The following COBL variants were observed in gnomAD, a reference collection of about 807,000 sequenced individuals.
COBL encodes protein cordon-bleu.
Under a neutral mutation model 98.8 loss-of-function variants are expected in COBL, and 51 were observed. The observed-to-expected ratio is 0.52, with a 90% CI of 0.41 to 0.65. The LOEUF is 0.65. Ranked by LOEUF, COBL falls within the 30% of genes least tolerant of loss-of-function variation. COBL has a pLI of 0.00. For synonymous variants in COBL, 634 were observed against 651.7 expected (o/e 0.97, Z 0.41); for missense variants, 1,617 against 1,617.5 (o/e 1.00, Z 0.01).
rs533141947 is a variant in COBL, at chr7:51,196,230, G to C, written c.246-2641C>G. On this transcript the variant is annotated intron_variant, in intron 2 of 12. Transcript: ENST00000265136. The stretch of plus-strand genomic sequence containing the variant: ...GAAGGGATGTTGAATTTTATCAAAA[G>C]CCTCTTCTGCATCTTTTGAAATAAT... Among the ~76,000 whole-genome samples, 4 of 152,256 alleles carry C rather than the reference G, an allele frequency of 2.6e-5. No individual in the cohort carries two copies. The South Asian group carries it at 8.3e-4, about 32-fold the overall frequency.
intron 5 of COBL, among the ~76,000 whole-genome samples, chr7:51,176,372 A>G (rs1011330159): frequency 3.9e-5 from 6 of 152,140 alleles, no homozygotes; most frequent in African/African-American, 1.4e-4. Flanking sequence ...AACTTAATGA[A>G]TAACTGATAT....
At chr7:51,058,608 C>T (rs895337145) in intron 7 of COBL, among the ~76,000 whole-genome samples, 4 of 151,950 alleles carry the variant, frequency 2.6e-5, no homozygotes, top group African/African-American at 7.2e-5. Context: ...AAAACAATTA[C>T]ATGACACTGT....
chr7:51,083,291 C>T, intron 7 of COBL: 3 of 1,276,688 alleles, frequency 2.3e-6, no homozygotes, highest in East Asian at 5.3e-5. Context: ...CACTAGGCAC[C>T]AAATCCAACC....
At chr7:51,030,272 AT>A (rs1227855705) in intron 9 of COBL, among the ~76,000 whole-genome samples, 1 of 152,226 alleles carries the variant, frequency 6.6e-6, no homozygotes, top group Non-Finnish European at 1.5e-5. Context: ...ATTGGAGAAA[AT>A]AACATAGCTG....
At chr7:51,212,054 T>C (rs1233064173) in intron 2 of COBL, among the ~76,000 whole-genome samples, 1 of 152,172 alleles carries the variant, frequency 6.6e-6, no homozygotes, top group Non-Finnish European at 1.5e-5. Context: ...CTCCGCGACA[T>C]CATTTTTACC....
At chr7:51,058,864 GA>G (rs966046501) in intron 7 of COBL, among the ~76,000 whole-genome samples, 4 of 152,164 alleles carry the variant, frequency 2.6e-5, no homozygotes, top group Non-Finnish European at 5.9e-5. Flanking sequence ...GTCCTCCAAC[GA>G]CTTTCGTTCA....
chr7:51,024,750 TG>T, intron 12 of COBL, among the ~76,000 whole-genome samples: 1 of 152,284 alleles, frequency 6.6e-6, no homozygotes, highest in Non-Finnish European at 1.5e-5. Flanking sequence ...GTGTGCTCTG[TG>T]GGGCCCCAAA....
chr7:51,163,611 G>A (rs1787025202), intron 5 of COBL, among the ~76,000 whole-genome samples: 1 of 152,078 alleles, frequency 6.6e-6, no homozygotes, highest in South Asian at 2.1e-4. Context: ...TTTTAAAAGT[G>A]GAAAAAATAT....
At chr7:51,062,786 C>T (rs1456116893) in intron 7 of COBL, among the ~76,000 whole-genome samples, 1 of 152,164 alleles carries the variant, frequency 6.6e-6, no homozygotes, top group Non-Finnish European at 1.5e-5. Context: ...CCAGGGACTG[C>T]GTCTGCAGGG....
chr7:51,205,640 GT>G (rs1318170016), intron 2 of COBL, among the ~76,000 whole-genome samples: 30 of 107,536 alleles, frequency 2.8e-4, no homozygotes, highest in African/African-American at 8.9e-4. Context: ...TTGTTTTTTG[GT>G]TTTTTGTTTT....
At chr7:51,065,249 T>C (rs1326644992) in intron 7 of COBL, 1 of 703,300 alleles carries the variant, frequency 1.4e-6, no homozygotes, top group African/African-American at 1.7e-5. Context: ...CATTCACAAA[T>C]GCTTGAAAGA....
At position 51,163,472 on chromosome 7, in the gene COBL, A is replaced by C. The variant is rs138732764; in HGVS notation, c.783+20630T>G. Among the ~76,000 whole-genome samples, 360 of 152,302 alleles carry C rather than the reference A, an allele frequency of 2.4e-3. 3 individuals are homozygous for C. The South Asian group carries it at 0.037, about 16-fold the overall frequency. ...AGCAGCAGGCATGGTCATCACTGGG[A>C]GCCATTATTATTTTAAGTGCTGTAC... On this transcript the variant is annotated intron_variant, in intron 5 of 12. Coordinates refer to ENST00000265136, the MANE Select transcript of COBL (RefSeq NM_015198.5).
intron 5 of COBL, among the ~76,000 whole-genome samples, chr7:51,145,395 T>TTC (rs397692466): frequency 2.0e-5 from 3 of 150,526 alleles, no homozygotes; most frequent in Non-Finnish European, 4.4e-5. Flanking sequence ...TTCTTTTTTT[T>TTC]CCGAGATGGA....
At chr7:51,036,006 C>T (rs1788599902) in intron 8 of COBL, 1 of 152,176 alleles carries the variant, frequency 6.6e-6, no homozygotes, top group African/African-American at 2.4e-5. Flanking sequence ...CCAGGATCCC[C>T]CATAGATACC....
intron 6 of COBL, among the ~76,000 whole-genome samples, chr7:51,112,248 A>G (rs1796898363): frequency 6.6e-6 from 1 of 152,216 alleles, no homozygotes; most frequent in African/African-American, 2.4e-5. Flanking sequence ...CAGCATTTCT[A>G]TTCCAATTCA....
intron 1 of COBL, among the ~76,000 whole-genome samples, chr7:51,314,686 T>G (rs1437860588): frequency 6.6e-6 from 1 of 152,310 alleles, no homozygotes; most frequent in African/African-American, 2.4e-5. Flanking sequence ...GTGAGAACAA[T>G]AGAAGTTAAA....
At chr7:51,311,992 G>A (rs1313990567) in intron 1 of COBL, among the ~76,000 whole-genome samples, 1 of 151,898 alleles carries the variant, frequency 6.6e-6, no homozygotes, top group Non-Finnish European at 1.5e-5. Context: ...TGTGGATGGG[G>A]AGAGAATGAA....
intron 1 of COBL, chr7:51,259,800 T>A: frequency 4.0e-6 from 3 of 751,672 alleles, no homozygotes; most frequent in Non-Finnish European, 7.3e-6. Context: ...TTCTGGGGGG[T>A]GACTTTTACA....
At chr7:51,142,162 G>A (rs1313973272) in intron 5 of COBL, among the ~76,000 whole-genome samples, 1 of 152,084 alleles carries the variant, frequency 6.6e-6, no homozygotes, top group African/African-American at 2.4e-5. Context: ...TAGAGGGTGA[G>A]GCGAGTAGGA....
Sources: gnomAD v4.1 joint callset for allele counts (sites outside exome capture counted in the v4.1 genomes callset) on GRCh38, gnomAD v4.1.1 for gene constraint, MANE v1.5 for transcripts, NCBI Gene and HGNC (gene_info 2026-07-23, HGNC 2026-07-21) for gene names.